L3MBTL4: variants seen among roughly 807,000 people sequenced by gnomAD.
L3MBTL4 encodes the protein L3MBTL histone methyl-lysine binding protein 4.
Under a neutral mutation model 84.5 loss-of-function variants are expected in L3MBTL4, and 70 were observed. The ratio of observed to expected loss-of-function variants is 0.83; its 90% CI spans 0.68 to 1.01. The LOEUF is 1.01. L3MBTL4 is among the 50% of genes least tolerant of loss of function. The probability of loss-of-function intolerance (pLI) is 0.00; values close to 1 mark genes in which losing one functional copy is unlikely to be tolerated. For missense variants in L3MBTL4, 715 were observed against 754.8 expected (o/e 0.95, Z 0.62); for synonymous variants, 274 against 259.8 (o/e 1.05, Z -0.52).
chr18:6,025,270 G>A (rs2055448357), intron 16 of L3MBTL4: 1 of 152,150 alleles, frequency 6.6e-6, no homozygotes, highest in African/African-American at 2.4e-5. Context: ...CTACTTTAAA[G>A]ACACTATCTT....
At chr18:6,203,038 C>T (rs868576460) in intron 12 of L3MBTL4, among the ~76,000 whole-genome samples, 4 of 152,168 alleles carry the variant, frequency 2.6e-5, no homozygotes, top group South Asian at 2.1e-4. Context: ...AATGCTGATG[C>T]CTGCTGGGCA....
chr18:6,013,299 G>T (rs563107763), intron 16 of L3MBTL4, among the ~76,000 whole-genome samples: 1 of 152,124 alleles, frequency 6.6e-6, no homozygotes, highest in Non-Finnish European at 1.5e-5. Context: ...CTCCTTCTCC[G>T]TGCCAGCTCT....
At chr18:6,167,548 A>C (rs1241999791) in intron 13 of L3MBTL4, among the ~76,000 whole-genome samples, 1 of 152,240 alleles carries the variant, frequency 6.6e-6, no homozygotes, top group Non-Finnish European at 1.5e-5. Flanking sequence ...AATGTAATCC[A>C]ACATATAAAC....
At chr18:5,990,767 G>A (rs2053655819) in intron 16 of L3MBTL4, among the ~76,000 whole-genome samples, 1 of 125,442 alleles carries the variant, frequency 8.0e-6, no homozygotes, top group African/African-American at 3.4e-5. Flanking sequence ...TAGGGTTCAT[G>A]TGGGTGTGTG....
intron 12 of L3MBTL4, among the ~76,000 whole-genome samples, chr18:6,196,217 GCA>G (rs2045378051): frequency 6.7e-6 from 1 of 148,868 alleles, no homozygotes; most frequent in Non-Finnish European, 1.5e-5. Flanking sequence ...TACTGCAGTG[GCA>G]TGATCTCAGC....
chr18:6,271,656 C>T (rs759353254), intron 4 of L3MBTL4, among the ~76,000 whole-genome samples: 2 of 152,206 alleles, frequency 1.3e-5, no homozygotes, highest in African/African-American at 2.4e-5. Context: ...CAAAGCTCTT[C>T]AAACAGAGGC....
chr18:6,404,993 G>C (rs917723064), intron 1 of L3MBTL4, among the ~76,000 whole-genome samples: 1 of 152,096 alleles, frequency 6.6e-6, no homozygotes, highest in South Asian at 2.1e-4. Flanking sequence ...ACCACACCCA[G>C]TTAGCTATTT....
chr18:6,410,258 A>C (rs2055910490), intron 1 of L3MBTL4, among the ~76,000 whole-genome samples: 1 of 152,024 alleles, frequency 6.6e-6, no homozygotes, highest in Non-Finnish European at 1.5e-5. Context: ...TCCATTCCCC[A>C]CCTGGCTAGC....
intron 16 of L3MBTL4, among the ~76,000 whole-genome samples, chr18:6,015,633 T>G (rs2054931805): frequency 6.6e-6 from 1 of 152,142 alleles, no homozygotes; most frequent in African/African-American, 2.4e-5. Context: ...AGAAATAAAC[T>G]ATGGTGCTTG....
chr18:6,252,499 T>A (rs554264385), intron 5 of L3MBTL4, among the ~76,000 whole-genome samples: 1 of 152,324 alleles, frequency 6.6e-6, no homozygotes, highest in East Asian at 1.9e-4. Flanking sequence ...CTGGAAAGAT[T>A]TACATCAAAT....
At chr18:6,212,737 T>A (rs759285542) in intron 12 of L3MBTL4, among the ~76,000 whole-genome samples, 20 of 152,136 alleles carry the variant, frequency 1.3e-4, no homozygotes, top group South Asian at 2.1e-4. Context: ...ACAGTAAAAG[T>A]CAAAACAGCA....
chr18:5,967,830 G>A (rs2052429147), intron 17 of L3MBTL4, among the ~76,000 whole-genome samples: 1 of 152,272 alleles, frequency 6.6e-6, no homozygotes, highest in Admixed American at 6.5e-5. Flanking sequence ...TGGGGCAGGA[G>A]GGGACGGCAA....
intron 12 of L3MBTL4, among the ~76,000 whole-genome samples, chr18:6,199,394 T>G (rs921775852): frequency 2.6e-5 from 4 of 152,134 alleles, no homozygotes; most frequent in African/African-American, 9.7e-5. Flanking sequence ...TAGCCACACT[T>G]CAAGTGCCCA....
chr18:5,963,046 G>A (rs1486866939), intron 17 of L3MBTL4, among the ~76,000 whole-genome samples: 1 of 152,164 alleles, frequency 6.6e-6, no homozygotes, highest in South Asian at 2.1e-4. Flanking sequence ...TTTTCATAGT[G>A]TCATAGGAGG....
chr18:6,291,985 A>G (rs2049886431), intron 4 of L3MBTL4, among the ~76,000 whole-genome samples: 1 of 145,528 alleles, frequency 6.9e-6, no homozygotes, highest in African/African-American at 2.6e-5. Flanking sequence ...GCAATTCAAC[A>G]CCAACACCAC....
At chr18:6,304,056 T>C (rs1261062546) in intron 3 of L3MBTL4, among the ~76,000 whole-genome samples, 2 of 150,518 alleles carry the variant, frequency 1.3e-5, no homozygotes, top group East Asian at 1.9e-4. Flanking sequence ...CACATAGTGG[T>C]ATCACAAAGC....
chr18:6,328,158 G>A (rs573450657), intron 1 of L3MBTL4, among the ~76,000 whole-genome samples: 1 of 152,304 alleles, frequency 6.6e-6, no homozygotes, highest in African/African-American at 2.4e-5. Flanking sequence ...TTACCTAATG[G>A]CTCCATTTCT....
intron 13 of L3MBTL4, among the ~76,000 whole-genome samples, chr18:6,148,552 G>A (rs1202317522): frequency 6.6e-6 from 1 of 152,002 alleles, no homozygotes; most frequent in African/African-American, 2.4e-5. Context: ...CAGCCTGCTG[G>A]GTAGCTGGGA....
chr18:6,061,174 G>A (rs185108363), intron 16 of L3MBTL4, among the ~76,000 whole-genome samples: 2 of 152,182 alleles, frequency 1.3e-5, no homozygotes, highest in African/African-American at 4.8e-5. Flanking sequence ...ACATTAGTAT[G>A]TCAGTGTTTT....
Sources: allele counts gnomAD v4.1 joint callset (sites outside exome capture counted in the v4.1 genomes callset), GRCh38; gene constraint gnomAD v4.1.1; transcripts MANE v1.5; gene names NCBI Gene and HGNC (gene_info 2026-07-23, HGNC 2026-07-21).